KIAA0319: variants seen among roughly 807,000 people sequenced by gnomAD.
KIAA0319 encodes the protein dyslexia-associated protein KIAA0319.
KIAA0319 carries 83 observed loss-of-function variants against 108.4 expected under a neutral mutation model. That is an observed-to-expected ratio of 0.77 (90% CI 0.64 to 0.92). The LOEUF (loss-of-function observed/expected upper bound fraction) is 0.92, where lower values mean the gene tolerates loss of function less well. Ranked by LOEUF, KIAA0319 falls within the 40% of genes least tolerant of loss-of-function variation. The pLI, the probability that KIAA0319 is intolerant of heterozygous loss-of-function variation, is 0.00. For missense variants in KIAA0319, 1,195 were observed against 1,322.4 expected (o/e 0.90, Z 1.49); for synonymous variants, 484 against 510.4 (o/e 0.95, Z 0.70).
At chr6:24,568,485 A>G (rs1764212347) in intron 13 of KIAA0319, among the ~76,000 whole-genome samples, 1 of 152,236 alleles carries the variant, frequency 6.6e-6, no homozygotes, top group South Asian at 2.1e-4. Flanking sequence ...ATAAAGGAAA[A>G]AAAGCATAAT....
chr6:24,612,936 C>T (rs2127556526), intron 1 of KIAA0319, among the ~76,000 whole-genome samples: 1 of 152,238 alleles, frequency 6.6e-6, no homozygotes, highest in African/African-American at 2.4e-5. Context: ...GTAGCTGGGA[C>T]TACAGGCGCC....
At chr6:24,595,842 C>G (rs1769453441) in intron 3 of KIAA0319, 31 bp downstream of exon 3, 1 of 1,557,616 alleles carries the variant, frequency 6.4e-7, no homozygotes, top group African/African-American at 1.4e-5. Flanking sequence ...TCAGCCCATC[C>G]CACCCCCAAG....
intron 1 of KIAA0319, among the ~76,000 whole-genome samples, chr6:24,629,359 C>T (rs561648466): frequency 3.4e-4 from 52 of 151,558 alleles, no homozygotes; most frequent in Non-Finnish European, 6.3e-4. Flanking sequence ...ACTAAAAATA[C>T]AAAAAATTAG....
chr6:24,588,910 T>C (rs1767996223), intron 3 of KIAA0319, 125 bp from the exon 4 acceptor site: 1 of 769,812 alleles, frequency 1.3e-6, no homozygotes, highest in Admixed American at 2.8e-5. Flanking sequence ...CCATGAATAA[T>C]ATTGCAAAAC....
chr6:24,582,197 C>T, intron 6 of KIAA0319, 52 bp downstream of exon 6: 2 of 1,010,534 alleles, frequency 2.0e-6, no homozygotes, highest in Non-Finnish European at 3.2e-6. Flanking sequence ...ATTAACTGAG[C>T]TCTATGCCGT....
downstream of KIAA0319, among the ~76,000 whole-genome samples, chr6:24,542,560 C>T (rs1760233483): frequency 6.6e-6 from 1 of 151,998 alleles, no homozygotes; most frequent in Non-Finnish European, 1.5e-5. Context: ...GTGAGACTCC[C>T]CCATCTCTAC....
chr6:24,572,735 A>G (rs375221141), intron 10 of KIAA0319, 37 bp from the exon 11 acceptor site: 55 of 1,567,622 alleles, frequency 3.5e-5, no homozygotes, highest in Non-Finnish European at 4.5e-5. Context: ...AAACAAAACA[A>G]AACAAAAAAG....
chr6:24,577,227 C>A (rs1190344976), intron 9 of KIAA0319, among the ~76,000 whole-genome samples: 3 of 152,308 alleles, frequency 2.0e-5, no homozygotes, highest in East Asian at 1.9e-4. Flanking sequence ...ATGCCACTCT[C>A]TTAACGGAGA....
Position 24,544,619 on chromosome 6 carries a change from G to T in KIAA0319, c.*2546C>A, listed in dbSNP as rs1760407860. The T allele has an allele frequency of 6.6e-6, 1 of 152,142 alleles. No individual in the cohort carries two copies. Among genetic ancestry groups the T allele is most frequent in the Non-Finnish European group, 1.5e-5 (1 of 68,042 alleles). The allele number at this position is 152,142 out of a possible 1,614,324, so 9.4% of individuals were successfully genotyped here. On this transcript the variant is annotated 3_prime_UTR_variant, in exon 21 of 21. Coordinates refer to ENST00000378214, the MANE Select transcript of KIAA0319 (RefSeq NM_014809.4). ...CACATGCTTAGCCTTGTAATGCCAT[G>T]GGTATGAATCCTCCTTCATTGAATG...
At chr6:24,584,164 G>T (rs1561995847) in intron 4 of KIAA0319, among the ~76,000 whole-genome samples, 2 of 151,952 alleles carry the variant, frequency 1.3e-5, no homozygotes, top group African/African-American at 2.4e-5. Context: ...ACTGCTAATG[G>T]CCTTGTACTT....
chr6:24,600,361 A>G (rs1770439596), intron 2 of KIAA0319, among the ~76,000 whole-genome samples: 1 of 152,138 alleles, frequency 6.6e-6, no homozygotes, highest in East Asian at 1.9e-4. Context: ...TCCAATGGCA[A>G]TACTTTCTGG....
At position 24,544,547 on chromosome 6, in the gene KIAA0319, C is replaced by T. The variant is rs1760396169; in HGVS notation, c.*2618G>A. On this transcript the variant is annotated 3_prime_UTR_variant, in exon 21 of 21. Coordinates refer to ENST00000378214, the MANE Select transcript of KIAA0319 (RefSeq NM_014809.4). ...GGCATCACTGGCTTGTTGAGTGGTACATTTTCTTACCTTGCTGCATGTTTT... is the reference window on the plus strand; with the variant it reads ...GGCATCACTGGCTTGTTGAGTGGTATATTTTCTTACCTTGCTGCATGTTTT... 1.3e-5 allele frequency: 2 copies of T among 152,206 alleles called. No homozygotes were observed. Among genetic ancestry groups the T allele is most frequent in the African/African-American group, 4.8e-5 (2 of 41,462 alleles). The allele number at this position is 152,206 out of a possible 1,614,324, so 9.4% of individuals were successfully genotyped here. A position where few individuals can be genotyped will look rare whatever the true frequency, so the allele number is the denominator to read the frequency against.
intron 1 of KIAA0319, among the ~76,000 whole-genome samples, chr6:24,635,254 G>A (rs547704186): frequency 6.6e-6 from 1 of 151,854 alleles, no homozygotes; most frequent in Non-Finnish European, 1.5e-5. Flanking sequence ...AGAGGTGCAC[G>A]CCACCACACC....
intron 19 of KIAA0319, 83 bp downstream of exon 19, chr6:24,554,458 C>G (rs1762011223): frequency 2.1e-6 from 2 of 964,740 alleles, no homozygotes; most frequent in Non-Finnish European, 3.3e-6. Context: ...AGTGGTTTAA[C>G]AAGTCCAAGT....
At chr6:24,582,698 T>A (rs1221838788) in intron 5 of KIAA0319, among the ~76,000 whole-genome samples, 1 of 151,328 alleles carries the variant, frequency 6.6e-6, no homozygotes, top group African/African-American at 2.4e-5. Context: ...CATTAGTATG[T>A]GATGAGTTTT....
chr6:24,566,896 G>C (rs919113817), intron 13 of KIAA0319, 148 bp from the exon 14 acceptor site: 12 of 632,960 alleles, frequency 1.9e-5, no homozygotes, highest in African/African-American at 3.7e-5. Flanking sequence ...TTTTTCCCCA[G>C]ATGCATATAA....
intron 10 of KIAA0319, among the ~76,000 whole-genome samples, chr6:24,573,664 A>C (rs1465211172): frequency 6.6e-6 from 1 of 152,246 alleles, no homozygotes; most frequent in Non-Finnish European, 1.5e-5. Flanking sequence ...CTGGAAGTGT[A>C]CACATTAAAC....
chr6:24,554,780 A>T (rs78287222), intron 18 of KIAA0319, 149 bp from the exon 19 acceptor site: 1 of 619,012 alleles, frequency 1.6e-6, no homozygotes, highest in African/African-American at 1.8e-5. Flanking sequence ...AGAGCAGAGC[A>T]AGGTAAAATA....
At chr6:24,572,473 C>A in intron 11 of KIAA0319, 102 bp downstream of exon 11, 1 of 1,353,768 alleles carries the variant, frequency 7.4e-7, no homozygotes, top group South Asian at 1.4e-5. Flanking sequence ...GCTTTGGCAC[C>A]CACAGGCCGG....
Sources: gnomAD v4.1 joint callset for allele counts (sites outside exome capture counted in the v4.1 genomes callset) on GRCh38, gnomAD v4.1.1 for gene constraint, MANE v1.5 for transcripts, NCBI Gene and HGNC (gene_info 2026-07-23, HGNC 2026-07-21) for gene names.